Variants in TAF3 observed in about 807,000 individuals in gnomAD.
TAF3 encodes TATA-box binding protein associated factor 3.
TAF3 carries 7 observed loss-of-function variants against 80.6 expected under a neutral mutation model. That is an observed-to-expected ratio of 0.09 (90% CI 0.05 to 0.16). TAF3 has a LOEUF of 0.16. TAF3 is among the 10% of genes least tolerant of loss of function. The pLI, the probability that TAF3 is intolerant of heterozygous loss-of-function variation, is 1.00. For missense variants in TAF3, 921 were observed against 1,140.2 expected (o/e 0.81, Z 2.77); for synonymous variants, 444 against 446.1 (o/e 1.00, Z 0.06).
At chr10:7,884,680 G>A (rs929988488) in intron 2 of TAF3, among the ~76,000 whole-genome samples, 2 of 152,096 alleles carry the variant, frequency 1.3e-5, no homozygotes, top group East Asian at 1.9e-4. Context: ...GCGCCGCTGC[G>A]CCTGGCCTGC....
At chr10:7,898,629 C>G (rs550969891) in intron 2 of TAF3, among the ~76,000 whole-genome samples, 11 of 152,066 alleles carry the variant, frequency 7.2e-5, no homozygotes, top group Middle Eastern at 3.4e-3. Flanking sequence ...TCTCTCTCCC[C>G]CTCAGTTGTA....
chr10:7,939,577 T>TACAC (rs71385681), intron 2 of TAF3, among the ~76,000 whole-genome samples: 9,468 of 139,156 alleles, frequency 0.068, 285 homozygotes, highest in Middle Eastern at 0.098. Flanking sequence ...AGAAGAAAAC[T>TACAC]ACACACACAC....
intron 2 of TAF3, among the ~76,000 whole-genome samples, chr10:7,899,852 G>T (rs115951834): frequency 0.011 from 1,716 of 152,200 alleles, 33 homozygotes; most frequent in African/African-American, 0.039. Flanking sequence ...GAATATACAC[G>T]TGCACAGAAA....
chr10:7,842,115 G>A (rs1625706), intron 2 of TAF3, among the ~76,000 whole-genome samples: 26,498 of 149,164 alleles, frequency 0.18, 2,454 homozygotes, highest in South Asian at 0.27. Flanking sequence ...ATTAAAGATG[G>A]CCCTGTTTGT....
chr10:8,008,948 T>G, intron 4 of TAF3, 130 bp from the exon 5 acceptor site: 285 of 1,324,112 alleles, frequency 2.2e-4, no homozygotes, highest in Non-Finnish European at 2.7e-4. Flanking sequence ...ACTCAGTTCT[T>G]GAGCTGCCTC....
At chr10:7,973,595 T>A (rs1831641168) in intron 3 of TAF3, among the ~76,000 whole-genome samples, 1 of 152,196 alleles carries the variant, frequency 6.6e-6, no homozygotes, top group Non-Finnish European at 1.5e-5. Flanking sequence ...ACCTGTAAAA[T>A]GAAACCCACA....
In TAF3 at chr10:8,013,680, T is replaced by G. The variant is rs753789559; in HGVS notation, c.2569-51T>G. 10 of 1,513,730 alleles carry G rather than the reference T, an allele frequency of 6.6e-6. No individual in the cohort carries two copies. In the East Asian group the frequency reaches 1.6e-4, roughly 24 times the overall value. The allele number at this position is 1,513,730 out of a possible 1,614,324, so 93.8% of individuals were successfully genotyped here. A position where few individuals can be genotyped will look rare whatever the true frequency, so the allele number is the denominator to read the frequency against. On this transcript the variant is annotated intron_variant, in intron 5 of 6. Transcript: ENST00000344293. ...ATCATTCTGATCTGGCCTCTTTTTGTTTTTTTTCCCATTCCCTCCATTTTT... is the reference window on the plus strand; with the variant it reads ...ATCATTCTGATCTGGCCTCTTTTTGGTTTTTTTCCCATTCCCTCCATTTTT...
rs1252235417 is a variant in TAF3 at position 8,009,616 on chromosome 10, CT to C, written c.2568+295del. On this transcript the variant is annotated intron_variant, in intron 5 of 6. Coordinates refer to ENST00000344293, the MANE Select transcript of TAF3 (RefSeq NM_031923.4). This position sits in a 1 kb window ranked among gnomAD's most constrained non-coding sequence, Gnocchi z 4.1. ...CCACTGCCCCTGGCCAGACACGTTTCTTTTTTTTTCTTTTTTTTTTTTGAGA... is the reference window on the plus strand; with the variant it reads ...CCACTGCCCCTGGCCAGACACGTTTCTTTTTTTTCTTTTTTTTTTTTGAGA... Among the ~76,000 whole-genome samples the C allele has an allele frequency of 6.7e-6, 1 of 149,016 alleles. No individual in the cohort carries two copies. The highest frequency in any genetic ancestry group is 1.5e-5 in the Non-Finnish European group (1 of 67,274).
At chr10:7,919,731 T>A (rs2131187428) in intron 2 of TAF3, among the ~76,000 whole-genome samples, 1 of 152,328 alleles carries the variant, frequency 6.6e-6, no homozygotes, top group African/African-American at 2.4e-5. Flanking sequence ...TGCTGTAGTC[T>A]TTATACTGTT....
chr10:7,942,622 G>A (rs1357922852), intron 2 of TAF3, among the ~76,000 whole-genome samples: 3 of 152,122 alleles, frequency 2.0e-5, no homozygotes, highest in Admixed American at 2.0e-4. Context: ...AGAAAATCCT[G>A]GGCTAGGTCC....
chr10:7,936,976 A>G (rs1837927690), intron 2 of TAF3, among the ~76,000 whole-genome samples: 1 of 152,054 alleles, frequency 6.6e-6, no homozygotes, highest in Non-Finnish European at 1.5e-5. Flanking sequence ...TCACTTACCA[A>G]TATGCATTTC....
At chr10:7,960,376 T>C (rs1838178744) in intron 2 of TAF3, among the ~76,000 whole-genome samples, 1 of 152,154 alleles carries the variant, frequency 6.6e-6, no homozygotes, top group African/African-American at 2.4e-5. Context: ...GCAAACGTTT[T>C]TTTGTAAAGA....
intron 4 of TAF3, among the ~76,000 whole-genome samples, chr10:7,995,542 A>G (rs1386396143): frequency 1.3e-5 from 2 of 152,152 alleles, no homozygotes; most frequent in African/African-American, 4.8e-5. Flanking sequence ...GCCCTTTTAG[A>G]GATTTTATGA....
chr10:7,849,646 A>G (rs888271292), intron 2 of TAF3, among the ~76,000 whole-genome samples: 2 of 151,678 alleles, frequency 1.3e-5, no homozygotes, highest in Admixed American at 6.6e-5. Context: ...TATTAAAATT[A>G]TAACAACTAT....
intron 4 of TAF3, among the ~76,000 whole-genome samples, chr10:7,997,606 A>T (rs573240742): frequency 2.0e-5 from 3 of 152,190 alleles, no homozygotes; most frequent in African/African-American, 7.2e-5. Flanking sequence ...GCACGTTTTT[A>T]TGAATAACGC....
At chr10:7,914,035 C>T (rs1480241819) in intron 2 of TAF3, among the ~76,000 whole-genome samples, 1 of 152,246 alleles carries the variant, frequency 6.6e-6, no homozygotes, top group African/African-American at 2.4e-5. Flanking sequence ...CAACCAATTG[C>T]AATGTGGTCC....
At chr10:7,976,050 T>C (rs985307130) in intron 3 of TAF3, among the ~76,000 whole-genome samples, 1 of 152,112 alleles carries the variant, frequency 6.6e-6, no homozygotes, top group Non-Finnish European at 1.5e-5. Flanking sequence ...TTTGTTTAGC[T>C]TGTTAATTCA....
rs1182240498 is a variant in TAF3 at position 7,964,919 on chromosome 10, T to C, written c.1409T>C (p.Ile470Thr). Residue 470 changes from isoleucine (I) to threonine (T), a missense_variant, in exon 3 of 7, where the codon ATT (isoleucine) becomes ACT (threonine). Around this residue, in one of 6 missense-constraint regions of TAF3, gnomAD observed 743 missense variants for 821.0 expected, o/e 0.90. Coordinates refer to ENST00000344293, the MANE Select transcript of TAF3 (RefSeq NM_031923.4). The surrounding 1 kb of genome is among the most constrained non-coding windows in gnomAD (Gnocchi z 4.1). ...SDNSWTMDAS[I>T]DEVVRKAKLG... is the part of the protein sequence containing the mutation. ...AACTCATGGACAATGGATGCCTCCA[T>C]TGATGAGGTTGTACGTAAAGCAAAA... The C allele has an allele frequency of 8.7e-6, 14 of 1,613,978 alleles. No individual in the cohort carries two copies. Among genetic ancestry groups the C allele is most frequent in the Non-Finnish European group, 1.1e-5 (13 of 1,180,022 alleles).
At chr10:7,945,020 G>A (rs1838010968) in intron 2 of TAF3, among the ~76,000 whole-genome samples, 1 of 152,162 alleles carries the variant, frequency 6.6e-6, no homozygotes, top group African/African-American at 2.4e-5. Flanking sequence ...CATAGCATCG[G>A]ACTACATAAC....
Sources: gnomAD v4.1 joint callset for allele counts (sites outside exome capture counted in the v4.1 genomes callset) on GRCh38, gnomAD v4.1.1 for gene constraint, gnomAD v4.1.1 regional missense constraint, Gnocchi (gnomAD v3.1) non-coding constraint, MANE v1.5 for transcripts, NCBI Gene and HGNC (gene_info 2026-07-23, HGNC 2026-07-21) for gene names.